SH3KBP1: variants seen among roughly 807,000 people sequenced by gnomAD.
SH3KBP1 encodes SH3 domain-containing kinase-binding protein 1.
SH3KBP1 carries 8 observed loss-of-function variants against 50.1 expected under a neutral mutation model. The ratio of observed to expected loss-of-function variants is 0.16; its 90% CI spans 0.09 to 0.29. The LOEUF (loss-of-function observed/expected upper bound fraction) is 0.29, where lower values mean the gene tolerates loss of function less well. Among genes scored for constraint, SH3KBP1 ranks in the 10% least tolerant of loss-of-function variants. The probability of loss-of-function intolerance (pLI) is 1.00; values close to 1 mark genes in which losing one functional copy is unlikely to be tolerated. For synonymous variants in SH3KBP1, 227 were observed against 218.6 expected, an observed-to-expected ratio of 1.04 and a Z score of -0.34; for missense variants, 377 against 535.2, an observed-to-expected ratio of 0.70 and a Z score of 2.92.
chrX:19,545,054 T>C (rs998039838), intron 15 of SH3KBP1, among the ~76,000 whole-genome samples: 1 of 112,497 alleles, frequency 8.9e-6, no homozygotes, highest in African/African-American at 3.2e-5. Flanking sequence ...TAGGATCACG[T>C]TTTGCTTACT....
chrX:19,698,952 G>A (rs1241554736), intron 4 of SH3KBP1, among the ~76,000 whole-genome samples: 2 of 111,881 alleles, frequency 1.8e-5, no homozygotes, highest in Non-Finnish European at 3.8e-5. Context: ...CTCCATGGGG[G>A]CCTAAAGAGC....
At chrX:19,595,595 T>C (rs1482184001) in intron 9 of SH3KBP1, among the ~76,000 whole-genome samples, 1 of 111,015 alleles carries the variant, frequency 9.0e-6, no homozygotes, top group Non-Finnish European at 1.9e-5. Context: ...GGTTTGTTTT[T>C]TTTTTTTTTG....
At chrX:19,577,423 A>G (rs1472818334) in intron 12 of SH3KBP1, among the ~76,000 whole-genome samples, 2 of 111,644 alleles carry the variant, frequency 1.8e-5, no homozygotes, top group Non-Finnish European at 3.8e-5. Context: ...CTGCCAGCTA[A>G]GTAAATTACC....
chrX:19,839,228 A>C (rs186188900), intron 1 of SH3KBP1, among the ~76,000 whole-genome samples: 81 of 110,858 alleles, frequency 7.3e-4, no homozygotes, highest in African/African-American at 2.4e-3. Context: ...TGTTAAGCCT[A>C]ATAATAACAG....
chrX:19,660,361 A>C (rs2062416455), intron 6 of SH3KBP1, among the ~76,000 whole-genome samples: 1 of 112,538 alleles, frequency 8.9e-6, no homozygotes, highest in African/African-American at 3.2e-5. Context: ...TTCGATTACA[A>C]CTTTTTGAAA....
intron 8 of SH3KBP1, among the ~76,000 whole-genome samples, chrX:19,610,643 C>G (rs1197210568): frequency 9.0e-6 from 1 of 111,599 alleles, no homozygotes; most frequent in Non-Finnish European, 1.9e-5. Flanking sequence ...ATCTCTAACC[C>G]CAGGGAGCTT....
chrX:19,729,025 TC>T (rs775293594), intron 3 of SH3KBP1, among the ~76,000 whole-genome samples: 8 of 112,671 alleles, frequency 7.1e-5, no homozygotes, highest in African/African-American at 2.3e-4. Flanking sequence ...AGTGAGGGTG[TC>T]TGAATCATCC....
intron 9 of SH3KBP1, among the ~76,000 whole-genome samples, chrX:19,597,128 A>G (rs1160126102): frequency 8.9e-6 from 1 of 112,255 alleles, no homozygotes; most frequent in Non-Finnish European, 1.9e-5. Context: ...TTCTTAAATA[A>G]CAAGACTTGA....
chrX:19,858,334 A>C (rs2068702566), intron 1 of SH3KBP1, among the ~76,000 whole-genome samples: 1 of 111,672 alleles, frequency 9.0e-6, no homozygotes, highest in African/African-American at 3.3e-5. Context: ...AAAAAAATAA[A>C]ATCTCACCAG....
At position 19,697,422 on chromosome X, in the gene SH3KBP1, A is replaced by G. The variant is rs143322271; in HGVS notation, c.391-1681T>C. On this transcript the variant is annotated intron_variant, in intron 4 of 17. Transcript: ENST00000397821. ...TGAACCCCGTTTTATTCCTATCTGC[A>G]TGATGGGAATAATTAACACACTTCA... Among the ~76,000 whole-genome samples the G allele has an allele frequency of 6.4e-3, 718 of 112,340 alleles. 7 individuals carry two copies. The highest frequency in any genetic ancestry group is 0.022 in the African/African-American group (688 of 30,940).
chrX:19,699,094 C>T (rs1469239047), intron 4 of SH3KBP1, among the ~76,000 whole-genome samples: 1 of 111,580 alleles, frequency 9.0e-6, no homozygotes, highest in Non-Finnish European at 1.9e-5. Flanking sequence ...CCCAATTCCA[C>T]CAATATTTAG....
At chrX:19,553,990 A>T (rs1339064820) in intron 13 of SH3KBP1, among the ~76,000 whole-genome samples, 2 of 69,061 alleles carry the variant, frequency 2.9e-5, no homozygotes, top group Admixed American at 2.4e-4. Context: ...TATAATATAT[A>T]ATATATATTA....
intron 12 of SH3KBP1, among the ~76,000 whole-genome samples, chrX:19,574,258 C>T (rs2066128160): frequency 1.8e-5 from 2 of 111,725 alleles, no homozygotes. Flanking sequence ...ATATATGTAC[C>T]CAGTAATCTT....
At chrX:19,558,824 C>A (rs1426132832) in intron 13 of SH3KBP1, among the ~76,000 whole-genome samples, 1 of 111,927 alleles carries the variant, frequency 8.9e-6, no homozygotes, top group Non-Finnish European at 1.9e-5. Context: ...TTAAGCATGA[C>A]AAAACAGAAT....
chrX:19,760,048 CTCTCTCTCTCTCT>C (rs1569459484), intron 2 of SH3KBP1, among the ~76,000 whole-genome samples: 6 of 71,822 alleles, frequency 8.4e-5, no homozygotes, highest in African/African-American at 3.3e-4. Flanking sequence ...CTCCCTCTCT[CTCTCTCTCTCTCT>C]CTCTCTCTCT....
At chrX:19,590,177 G>A (rs1160851728) in intron 11 of SH3KBP1, among the ~76,000 whole-genome samples, 1 of 111,920 alleles carries the variant, frequency 8.9e-6, no homozygotes, top group Non-Finnish European at 1.9e-5. Context: ...GGGGAAATAT[G>A]CTCCAATCAG....
intron 13 of SH3KBP1, among the ~76,000 whole-genome samples, chrX:19,554,166 A>ATATATATCATATTAAAATATAATAT (rs1555983293): frequency 1.8e-4 from 10 of 55,972 alleles, no homozygotes; most frequent in Non-Finnish European, 2.2e-4. Flanking sequence ...TTAAAATATA[A>ATATATATCATATTAAAATATAATAT]TATATATCAT....
chrX:19,875,822 C>T (rs1463715297), intron 1 of SH3KBP1, among the ~76,000 whole-genome samples: 1 of 112,444 alleles, frequency 8.9e-6, no homozygotes, highest in Non-Finnish European at 1.9e-5. Context: ...AGAAAGGGGA[C>T]AGGGAGGAAG....
At chrX:19,563,539 C>T (rs1394214859) in intron 13 of SH3KBP1, among the ~76,000 whole-genome samples, 1 of 112,602 alleles carries the variant, frequency 8.9e-6, no homozygotes, top group Non-Finnish European at 1.9e-5. Context: ...ACCTGTTTCA[C>T]TTCCTTTGTA....
Sources: allele counts gnomAD v4.1 joint callset (sites outside exome capture counted in the v4.1 genomes callset), GRCh38; gene constraint gnomAD v4.1.1; transcripts MANE v1.5; gene names NCBI Gene and HGNC (gene_info 2026-07-23, HGNC 2026-07-21).